Variants in NBEA observed in about 807,000 individuals in gnomAD.
NBEA encodes neurobeachin.
In NBEA, 44 loss-of-function variants were observed where a neutral mutation model predicts 343.4. That is an observed-to-expected ratio of 0.13 (90% confidence interval 0.10 to 0.16). The LOEUF (loss-of-function observed/expected upper bound fraction) is 0.16. Among genes scored for constraint, NBEA ranks in the 10% least tolerant of loss-of-function variants. The probability of loss-of-function intolerance (pLI) is 1.00; values close to 1 mark genes in which losing one functional copy is unlikely to be tolerated. For synonymous variants in NBEA, 1,175 were observed against 1,238.7 expected, an observed-to-expected ratio of 0.95 and a Z score of 1.08; for missense variants, 2,555 against 3,631.3, an observed-to-expected ratio of 0.70 and a Z score of 7.62.
chr13:35,185,729 G>C (rs1349218701), intron 30 of NBEA: 1 of 152,146 alleles, frequency 6.6e-6, no homozygotes, highest in African/African-American at 2.4e-5. Context: ...ACACTGAACA[G>C]TGGTGTTAGT....
intron 1 of NBEA, among the ~76,000 whole-genome samples, chr13:35,029,263 C>T (rs2152547214): frequency 6.7e-6 from 1 of 149,268 alleles, no homozygotes; most frequent in South Asian, 2.2e-4. Context: ...TATAACACCA[C>T]TGCTGTGGTG....
chr13:35,035,273 C>G (rs183950063), intron 1 of NBEA, among the ~76,000 whole-genome samples: 1 of 151,826 alleles, frequency 6.6e-6, no homozygotes, highest in Non-Finnish European at 1.5e-5. Context: ...TTCATTGACC[C>G]GCTTGTCATT....
rs2059657159 is a variant in NBEA at position 34,961,412 on chromosome 13, T to C, written c.294+18298T>C. ...TTTGACTCAGTTATTCAGTGTGGGT[T>C]ACTATATTTAGCTCACAGATGATCT... On this transcript the variant is annotated intron_variant, in intron 1 of 58. Coordinates refer to ENST00000379939, the MANE Select transcript of NBEA (RefSeq NM_001385012.1). Among the ~76,000 whole-genome samples the C allele has an allele frequency of 2.0e-5, 3 of 152,084 alleles. 1 individual carries two copies. The South Asian group carries it at 6.2e-4, about 31-fold the overall frequency.
At chr13:35,040,451 A>G (rs1566196900) in intron 1 of NBEA, among the ~76,000 whole-genome samples, 1 of 151,484 alleles carries the variant, frequency 6.6e-6, no homozygotes, top group Non-Finnish European at 1.5e-5. Context: ...TTATTTCAAT[A>G]TTTCTTATAA....
intron 41 of NBEA, among the ~76,000 whole-genome samples, chr13:35,542,806 A>AC (rs2078894315): frequency 1.3e-5 from 2 of 152,082 alleles, no homozygotes; most frequent in Non-Finnish European, 2.9e-5. Context: ...CAGTAGAATA[A>AC]AATAAGTAGA....
At chr13:35,354,172 C>G (rs568795939) in intron 38 of NBEA, among the ~76,000 whole-genome samples, 13 of 152,276 alleles carry the variant, frequency 8.5e-5, no homozygotes, top group African/African-American at 2.9e-4. Context: ...GGCATTATAG[C>G]CTAGCCAGGT....
At chr13:35,341,709 T>C (rs1237360532) in intron 36 of NBEA, among the ~76,000 whole-genome samples, 1 of 151,976 alleles carries the variant, frequency 6.6e-6, no homozygotes, top group African/African-American at 2.4e-5. Flanking sequence ...GGCTATAATG[T>C]TTAAAACAGA....
At chr13:35,555,145 A>T in intron 44 of NBEA, 43 bp downstream of exon 44, 2 of 1,123,698 alleles carry the variant, frequency 1.8e-6, no homozygotes, top group Non-Finnish European at 2.6e-6. Context: ...GTTTATGTTC[A>T]TCAAAATCAT....
At chr13:35,191,374 G>T (rs942650075) in intron 30 of NBEA, among the ~76,000 whole-genome samples, 1 of 152,058 alleles carries the variant, frequency 6.6e-6, no homozygotes. Context: ...TCAATTAGAA[G>T]ATTTTCTTGG....
At chr13:35,188,126 G>A (rs2071860157) in intron 30 of NBEA, among the ~76,000 whole-genome samples, 4 of 151,994 alleles carry the variant, frequency 2.6e-5, no homozygotes, top group Admixed American at 2.0e-4. Context: ...CTTCAAGAGG[G>A]TAATCATAAC....
At chr13:35,377,284 GAAGCT>G (rs1354084614) in intron 38 of NBEA, among the ~76,000 whole-genome samples, 4 of 152,144 alleles carry the variant, frequency 2.6e-5, no homozygotes, top group Non-Finnish European at 5.9e-5. Flanking sequence ...GGCTGGGAAG[GAAGCT>G]AATTTGAACA....
chr13:35,549,900 G>A (rs912107478), intron 41 of NBEA, among the ~76,000 whole-genome samples: 8 of 152,198 alleles, frequency 5.3e-5, no homozygotes, highest in African/African-American at 1.9e-4. Flanking sequence ...ATAAAATTTT[G>A]TTGGAATACT....
intron 36 of NBEA, among the ~76,000 whole-genome samples, chr13:35,323,512 C>T (rs1174741877): frequency 1.4e-5 from 2 of 140,890 alleles, no homozygotes; most frequent in Non-Finnish European, 3.0e-5. Flanking sequence ...AGGAATTGAA[C>T]AATGAGAACA....
chr13:35,252,718 G>A (rs542396158), intron 34 of NBEA, among the ~76,000 whole-genome samples: 8 of 152,198 alleles, frequency 5.3e-5, no homozygotes, highest in Non-Finnish European at 1.2e-4. Flanking sequence ...CAAGGTCAGA[G>A]AGGAAGTGGT....
chr13:35,003,875 A>G (rs1181613673), intron 1 of NBEA, among the ~76,000 whole-genome samples: 4 of 151,964 alleles, frequency 2.6e-5, no homozygotes, highest in South Asian at 4.2e-4. Context: ...GCATGTAACA[A>G]CCCATCTCCT....
chr13:35,475,957 T>C (rs1396749667), intron 41 of NBEA: 5 of 1,614,162 alleles, frequency 3.1e-6, no homozygotes, highest in Non-Finnish European at 4.2e-6. Flanking sequence ...CTCGTAGCGA[T>C]TGTCCATCTC....
chr13:35,173,023 T>C (rs568801562), intron 26 of NBEA, among the ~76,000 whole-genome samples: 7 of 152,266 alleles, frequency 4.6e-5, no homozygotes, highest in Admixed American at 3.9e-4. Context: ...ACTCTATTAT[T>C]GCCCGAAATG....
intron 10 of NBEA, among the ~76,000 whole-genome samples, chr13:35,081,572 A>G (rs1205270336): frequency 1.3e-5 from 2 of 152,042 alleles, no homozygotes; most frequent in African/African-American, 2.4e-5. Context: ...ACAGGCAAAT[A>G]TGGCAGGAAT....
intron 37 of NBEA, among the ~76,000 whole-genome samples, chr13:35,351,615 T>C (rs1396424725): frequency 3.3e-5 from 5 of 151,938 alleles, no homozygotes; most frequent in Non-Finnish European, 7.4e-5. Flanking sequence ...TTGTCTCAGC[T>C]CCTCATTTAC....
Sources: allele counts gnomAD v4.1 joint callset (sites outside exome capture counted in the v4.1 genomes callset), GRCh38; gene constraint gnomAD v4.1.1; transcripts MANE v1.5; gene names NCBI Gene and HGNC (gene_info 2026-07-23, HGNC 2026-07-21).